RPTOR: variants seen among roughly 807,000 people sequenced by gnomAD.
RPTOR encodes the protein regulatory associated protein of MTOR complex 1, also known as regulatory-associated protein of mTOR.
In RPTOR, 21 loss-of-function variants were observed where a neutral mutation model predicts 169.9. The observed-to-expected ratio is 0.12, with a 90% CI of 0.09 to 0.18. RPTOR has a LOEUF of 0.18. Ranked by LOEUF, RPTOR falls within the 10% of genes least tolerant of loss-of-function variation. The pLI, the probability that RPTOR is intolerant of heterozygous loss-of-function variation, is 1.00. For missense variants in RPTOR, 1,133 were observed against 1,855.9 expected (o/e 0.61, Z 7.16); for synonymous variants, 732 against 753.2 (o/e 0.97, Z 0.46).
intron 9 of RPTOR, among the ~76,000 whole-genome samples, chr17:80,836,301 G>C (rs1445081790): frequency 1.3e-5 from 2 of 152,232 alleles, no homozygotes; most frequent in Non-Finnish European, 2.9e-5. Flanking sequence ...GGCTGCTCAT[G>C]CACAGAGGGT....
intron 27 of RPTOR, among the ~76,000 whole-genome samples, chr17:80,948,296 G>A (rs932230731): frequency 2.6e-5 from 4 of 152,258 alleles, no homozygotes; most frequent in African/African-American, 9.6e-5. Context: ...TGGCCATGGG[G>A]ACGTGTCCTC....
At chr17:80,802,799 G>A (rs1471106678) in intron 7 of RPTOR, 2 of 152,388 alleles carry the variant, frequency 1.3e-5, no homozygotes, top group South Asian at 2.1e-4. Context: ...CCTTTCTGAT[G>A]TTGGCCTTTG....
At chr17:80,751,315 C>G (rs1471419432) in intron 5 of RPTOR, among the ~76,000 whole-genome samples, 7 of 152,180 alleles carry the variant, frequency 4.6e-5, no homozygotes. Context: ...GCCCTAAAAT[C>G]AGGGGCAGTG....
intron 1 of RPTOR, chr17:80,593,328 C>A (rs1314449957): frequency 1.9e-5 from 3 of 154,862 alleles, no homozygotes; most frequent in African/African-American, 7.2e-5. Flanking sequence ...ACCGCGGCGG[C>A]CATGCTGGGT....
intron 21 of RPTOR, among the ~76,000 whole-genome samples, chr17:80,914,946 C>G (rs2068655293): frequency 6.6e-6 from 1 of 152,260 alleles, no homozygotes; most frequent in Admixed American, 6.5e-5. Flanking sequence ...TTTTCCAAGC[C>G]TGCCCATGGC....
chr17:80,619,355 A>C (rs1002274336), intron 1 of RPTOR, among the ~76,000 whole-genome samples: 1 of 152,148 alleles, frequency 6.6e-6, no homozygotes, highest in Non-Finnish European at 1.5e-5. Context: ...CAGCCTGTGA[A>C]TTTATACCCA....
intron 1 of RPTOR, among the ~76,000 whole-genome samples, chr17:80,591,636 C>T (rs1050941302): frequency 2.0e-5 from 3 of 152,052 alleles, no homozygotes; most frequent in Non-Finnish European, 4.4e-5. Flanking sequence ...GCCTTAGCCT[C>T]CCAAAGTGCT....
chr17:80,608,757 CTGACCGTGTTGGTCT>C (rs1001939151), intron 1 of RPTOR, among the ~76,000 whole-genome samples: 31 of 152,300 alleles, frequency 2.0e-4, no homozygotes, highest in African/African-American at 6.5e-4. Context: ...CCCGCAGTAG[CTGACCGTGTTGGTCT>C]TGACCGTGTT....
chr17:80,635,481 G>A (rs1186060569), intron 2 of RPTOR, among the ~76,000 whole-genome samples: 1 of 152,312 alleles, frequency 6.6e-6, no homozygotes, highest in Non-Finnish European at 1.5e-5. Flanking sequence ...AGACTGGGAC[G>A]GGAGCTGGGC....
At chr17:80,548,606 C>T (rs1301455708) in intron 1 of RPTOR, among the ~76,000 whole-genome samples, 1 of 151,902 alleles carries the variant, frequency 6.6e-6, no homozygotes, top group East Asian at 1.9e-4. Context: ...CTCCTGACCT[C>T]GGGTCGTTCA....
At chr17:80,727,583 C>T (rs1162930715) in intron 4 of RPTOR, among the ~76,000 whole-genome samples, 1 of 152,040 alleles carries the variant, frequency 6.6e-6, no homozygotes, top group Non-Finnish European at 1.5e-5. Flanking sequence ...ATGTCATGCT[C>T]CAAGAACGTG....
intron 21 of RPTOR, among the ~76,000 whole-genome samples, chr17:80,919,096 G>A (rs1227649718): frequency 2.0e-5 from 3 of 152,238 alleles, no homozygotes; most frequent in Non-Finnish European, 2.9e-5. Flanking sequence ...GTGGCCCCAA[G>A]TGAAATTCCT....
chr17:80,743,215 C>G lies in RPTOR; in HGVS notation c.655-10795C>G, dbSNP rs551928642. On this transcript the variant is annotated intron_variant, in intron 5 of 33. Transcript: ENST00000306801. ...CTCCTGAAATTAGCCAAGGCTCTCT[C>G]TCTTATGACTCAGTTCATTAGAGAA... The G allele has an allele frequency of 2.5e-5, 25 of 984,640 alleles. No individual in the cohort carries two copies. The South Asian group carries it at 9.4e-4, about 37-fold the overall frequency. 61.0% of individuals were successfully genotyped at this position (984,640 alleles called of 1,614,324 possible).
At chr17:80,952,255 G>A (rs543878809) in intron 28 of RPTOR, among the ~76,000 whole-genome samples, 2 of 152,334 alleles carry the variant, frequency 1.3e-5, no homozygotes, top group South Asian at 4.1e-4. Context: ...TTCCCTCCGC[G>A]GTATTACATT....
intron 6 of RPTOR, among the ~76,000 whole-genome samples, chr17:80,757,845 C>G (rs1356759958): frequency 2.6e-5 from 4 of 152,068 alleles, no homozygotes; most frequent in Admixed American, 2.6e-4. Context: ...TCATTGTAGT[C>G]TTCCAGGATA....
At chr17:80,678,462 T>C (rs1278907355) in intron 3 of RPTOR, among the ~76,000 whole-genome samples, 2 of 152,164 alleles carry the variant, frequency 1.3e-5, no homozygotes, top group Non-Finnish European at 2.9e-5. Flanking sequence ...CAAATAGTAT[T>C]GTACAAATGA....
chr17:80,838,036 C>G (rs780295899), intron 10 of RPTOR, 39 bp downstream of exon 10: 38 of 1,550,580 alleles, frequency 2.5e-5, no homozygotes, highest in Admixed American at 1.3e-4. Context: ...TCCGCGGCGG[C>G]AGCCACTTCT....
intron 7 of RPTOR, among the ~76,000 whole-genome samples, chr17:80,797,254 AC>A (rs1290765820): frequency 6.6e-6 from 1 of 151,908 alleles, no homozygotes. Flanking sequence ...CACCTCAGCC[AC>A]CCAAGTAGCT....
In RPTOR at chr17:80,874,658, G is replaced by A. The variant is rs114188685; in HGVS notation, c.1510-5757G>A. 2.5e-3 allele frequency among the ~76,000 whole-genome samples: 387 copies of A among 152,206 alleles called. 1 individual carries two copies. The highest frequency in any genetic ancestry group is 8.9e-3 in the African/African-American group (369 of 41,522). On this transcript the variant is annotated intron_variant, in intron 13 of 33. Coordinates refer to ENST00000306801, the MANE Select transcript of RPTOR (RefSeq NM_020761.3). ...TGAAGAGCAGTGAGCTCTTGTGACC[G>A]GTAAACAGAAATCCCTGCTTCGGTA...
Sources: gnomAD v4.1 joint callset for allele counts (sites outside exome capture counted in the v4.1 genomes callset) on GRCh38, gnomAD v4.1.1 for gene constraint, MANE v1.5 for transcripts, NCBI Gene and HGNC (gene_info 2026-07-23, HGNC 2026-07-21) for gene names.